Variants in C5 observed in about 807,000 individuals in gnomAD.
The protein encoded by C5 is C3 and PZP-like alpha-2-macroglobulin domain-containing protein 4.
A neutral mutation model predicts 218.8 loss-of-function variants in C5; 140 were observed. That is an observed-to-expected ratio of 0.64 (90% CI 0.56 to 0.74). The LOEUF (loss-of-function observed/expected upper bound fraction) is 0.74, where lower values mean the gene tolerates loss of function less well. Among genes scored for constraint, C5 ranks in the 30% least tolerant of loss-of-function variants. C5 has a pLI of 0.00. For synonymous variants in C5, 614 were observed against 682.3 expected (o/e 0.90, Z 1.56); for missense variants, 1,700 against 1,969.6 (o/e 0.86, Z 2.59).
Position 120,996,160 on chromosome 9 carries a change from A to G in C5, c.2851+80T>C, listed in dbSNP as rs57973829. The G allele has an allele frequency of 5.3e-4, 576 of 1,092,858 alleles. 2 individuals carry two copies. The African/African-American group carries it at 8.2e-3, about 16-fold the overall frequency. The allele number at this position is 1,092,858 out of a possible 1,614,324, so 67.7% of individuals were successfully genotyped here. A position where few individuals can be genotyped will look rare whatever the true frequency, so the allele number is the denominator to read the frequency against. ...GATTTTAGACAATTCACTTTCTGAA[A>G]AATAGTGTTTTAAGTTACATACACA... On this transcript the variant is annotated intron_variant, in intron 22 of 40. Coordinates refer to ENST00000223642, the MANE Select transcript of C5 (RefSeq NM_001735.3).
At chr9:121,003,259 C>G (rs1165220186) in intron 20 of C5, among the ~76,000 whole-genome samples, 2 of 151,620 alleles carry the variant, frequency 1.3e-5, no homozygotes, top group African/African-American at 4.9e-5. Flanking sequence ...CCATTGCACT[C>G]CAGCCTGGGT....
At chr9:120,998,333 T>C (rs1443165898) in intron 20 of C5, among the ~76,000 whole-genome samples, 1 of 152,248 alleles carries the variant, frequency 6.6e-6, no homozygotes, top group African/African-American at 2.4e-5. Context: ...TCTTAGACTG[T>C]TACGTACTAA....
At chr9:121,036,728 C>G (rs532797562) in intron 4 of C5, among the ~76,000 whole-genome samples, 1 of 152,298 alleles carries the variant, frequency 6.6e-6, no homozygotes, top group South Asian at 2.1e-4. Flanking sequence ...GGATGTGTAT[C>G]ACCCCCACTC....
At position 121,002,172 on chromosome 9, in the gene C5, G is replaced by GTA. The variant is rs1014751671; in HGVS notation, c.2562+3745_2562+3746dup. ...TATATGTATAGATATGTACATATAT[G>GTA]TATATATGTAGATATGTACATATAC... On this transcript the variant is annotated intron_variant, in intron 20 of 40. Transcript: ENST00000223642. Among the ~76,000 whole-genome samples the GTA allele has an allele frequency of 1.3e-4, 19 of 145,136 alleles. 1 individual carries two copies. Among genetic ancestry groups the GTA allele is most frequent in the African/African-American group, 3.5e-4 (14 of 39,672 alleles).
rs537773992 is a variant in C5, at chr9:120,984,362, C to G, written c.3231-1548G>C. Among the ~76,000 whole-genome samples, 29 of 152,286 alleles carry G rather than the reference C, an allele frequency of 1.9e-4. 1 individual carries two copies. The highest frequency in any genetic ancestry group is 5.5e-4 in the African/African-American group (23 of 41,572). ...CTCTTTTTAATCCTCCCACACTGCTCTCAAGGATGAGAAATACTTCTACGG... is the reference window on the plus strand; with the variant it reads ...CTCTTTTTAATCCTCCCACACTGCTGTCAAGGATGAGAAATACTTCTACGG... On this transcript the variant is annotated intron_variant, in intron 25 of 40. Coordinates refer to ENST00000223642, the MANE Select transcript of C5 (RefSeq NM_001735.3).
chr9:120,983,483 C>T (rs1469460375), intron 25 of C5, among the ~76,000 whole-genome samples: 1 of 152,166 alleles, frequency 6.6e-6, no homozygotes, highest in Non-Finnish European at 1.5e-5. Flanking sequence ...GAGACTCAGA[C>T]CACTTGACTT....
intron 7 of C5, among the ~76,000 whole-genome samples, chr9:121,028,746 G>A (rs184568685): frequency 2.7e-4 from 41 of 152,292 alleles, no homozygotes; most frequent in Admixed American, 1.6e-3. Context: ...AATGTATGAT[G>A]AGTTAATAGG....
the C5 span, among the ~76,000 whole-genome samples, chr9:121,055,677 G>C: frequency 6.6e-6 from 1 of 152,188 alleles, no homozygotes; most frequent in African/African-American, 2.4e-5. Context: ...GTCCTGGCAG[G>C]ATTCACCATC....
At chr9:120,961,714 A>AT in intron 36 of C5, 149 bp from the exon 37 acceptor site, 1 of 689,502 alleles carries the variant, frequency 1.5e-6, no homozygotes, top group Middle Eastern at 3.1e-4. Flanking sequence ...AAAATTATGA[A>AT]TTGGCTGTCC....
chr9:121,059,109 T>TA, the C5 span, among the ~76,000 whole-genome samples: 1 of 152,020 alleles, frequency 6.6e-6, no homozygotes, highest in Non-Finnish European at 1.5e-5. This position sits in a 1 kb window ranked among gnomAD's most constrained non-coding sequence, Gnocchi z 4.1. Context: ...CTGGGAAAAA[T>TA]AGAGAAGGAA....
intron 6 of C5, 62 bp downstream of exon 6, chr9:121,032,051 A>T: frequency 1.0e-6 from 1 of 980,558 alleles, no homozygotes; most frequent in Non-Finnish European, 1.6e-6. Context: ...CAACAGAGCG[A>T]GACTCCATCT....
At chr9:120,979,797 T>C (rs886198904) in intron 28 of C5, 8 of 381,124 alleles carry the variant, frequency 2.1e-5, no homozygotes, top group African/African-American at 1.7e-4. Flanking sequence ...GAAGATCACT[T>C]GAGCCCAGGA....
At chr9:121,046,015 TTC>T (rs1476692264) in intron 2 of C5, among the ~76,000 whole-genome samples, 174 bp downstream of exon 2, 3 of 152,198 alleles carry the variant, frequency 2.0e-5, no homozygotes, top group African/African-American at 7.2e-5. Context: ...GTTTAGAATT[TTC>T]TGTTTCTGTT....
chr9:121,000,561 C>T (rs1472736587), intron 20 of C5, among the ~76,000 whole-genome samples: 1 of 152,116 alleles, frequency 6.6e-6, no homozygotes, highest in African/African-American at 2.4e-5. Flanking sequence ...AATTCCTTAA[C>T]AAATACTGCT....
chr9:121,055,793 A>G, the C5 span, among the ~76,000 whole-genome samples: 1 of 152,230 alleles, frequency 6.6e-6, no homozygotes, highest in South Asian at 2.1e-4. Context: ...CTGGTCTGGA[A>G]GGCCATGGGC....
At chr9:121,067,547 G>C in the C5 span, among the ~76,000 whole-genome samples, 1 of 149,750 alleles carries the variant, frequency 6.7e-6, no homozygotes, top group African/African-American at 2.5e-5. Flanking sequence ...CTTGGTTGGT[G>C]ACAGAGTGAG....
intron 36 of C5, 72 bp from the exon 37 acceptor site, chr9:120,961,637 TCTTA>T: frequency 2.1e-6 from 2 of 942,656 alleles, no homozygotes; most frequent in Non-Finnish European, 3.5e-6. Context: ...TTGGCAAGTG[TCTTA>T]CATGGAGCCT....
intron 8 of C5, 169 bp from the exon 9 acceptor site, chr9:121,025,749 T>C: frequency 1.7e-6 from 1 of 585,844 alleles, no homozygotes; most frequent in South Asian, 2.0e-5. Context: ...AGGATGTTAT[T>C]TTCTAATTAT....
At chr9:120,990,996 C>G (rs1255568444) in intron 23 of C5, among the ~76,000 whole-genome samples, 195 bp downstream of exon 23, 2 of 152,012 alleles carry the variant, frequency 1.3e-5, no homozygotes, top group Non-Finnish European at 2.9e-5. Context: ...GTAAATCAGG[C>G]CGTTGGAAGA....
Sources: allele counts gnomAD v4.1 joint callset (sites outside exome capture counted in the v4.1 genomes callset), GRCh38; gene constraint gnomAD v4.1.1; non-coding constraint Gnocchi (gnomAD v3.1); transcripts MANE v1.5; gene names NCBI Gene and HGNC (gene_info 2026-07-23, HGNC 2026-07-21).